MECOM: variants seen among roughly 807,000 people sequenced by gnomAD.
MECOM encodes the protein histone-lysine N-methyltransferase MECOM.
Under a neutral mutation model 116.3 loss-of-function variants are expected in MECOM, and 13 were observed. The ratio of observed to expected loss-of-function variants is 0.11; its 90% CI spans 0.07 to 0.18. The LOEUF (loss-of-function observed/expected upper bound fraction) is 0.18, where lower values mean the gene tolerates loss of function less well. Ranked by LOEUF, MECOM falls within the 10% of genes least tolerant of loss-of-function variation. MECOM has a pLI of 1.00. For synonymous variants in MECOM, 528 were observed against 535.2 expected (o/e 0.99, Z 0.19); for missense variants, 1,299 against 1,509.0 (o/e 0.86, Z 2.31).
intron 2 of MECOM, among the ~76,000 whole-genome samples, chr3:169,274,899 T>C (rs1275064047): frequency 6.6e-6 from 1 of 152,068 alleles, no homozygotes; most frequent in East Asian, 1.9e-4. Context: ...AGATATAAAA[T>C]ATAAACTAAA....
At chr3:169,648,599 A>T (rs1248469022) in intron 1 of MECOM, among the ~76,000 whole-genome samples, 1 of 152,228 alleles carries the variant, frequency 6.6e-6, no homozygotes, top group Non-Finnish European at 1.5e-5. Flanking sequence ...CAATGCACTG[A>T]TTTCTGTGCC....
chr3:169,323,573 C>A (rs896236458), intron 2 of MECOM, among the ~76,000 whole-genome samples: 11 of 152,130 alleles, frequency 7.2e-5, no homozygotes, highest in Non-Finnish European at 1.3e-4. Context: ...TAATTTATGG[C>A]AAGCCTAATG....
Position 169,084,997 on chromosome 3 carries a change from G to C in MECOM, c.3632C>G (p.Ser1211Cys). ...CACGTTGGAAGAACTGTGGGATGTA[G>C]AATGGAGGGACTCCTTGTCAGACAG... ...LSLSDKESLH[S>C]TSHSSSNVWH... Residue 1211 changes from serine to cysteine, a missense_variant, in exon 17 of 17, where the codon TCT becomes TGT. Ser to Cys is a moderately radical substitution (Grantham distance 112). Coordinates refer to ENST00000651503, the MANE Select transcript of MECOM (RefSeq NM_004991.4). 6.2e-7 allele frequency: 1 copy of C among 1,614,176 alleles called. No homozygotes were observed. The highest frequency in any genetic ancestry group is 2.2e-5 in the East Asian group (1 of 44,880).
At chr3:169,109,670 C>G (rs1235366069) in intron 9 of MECOM, among the ~76,000 whole-genome samples, 1 of 152,212 alleles carries the variant, frequency 6.6e-6, no homozygotes, top group African/African-American at 2.4e-5. Context: ...CCCGCCTCGG[C>G]CTCCCAAAGT....
At chr3:169,462,727 C>T (rs902504523) in intron 1 of MECOM, among the ~76,000 whole-genome samples, 2 of 152,098 alleles carry the variant, frequency 1.3e-5, no homozygotes, top group Non-Finnish European at 2.9e-5. Flanking sequence ...CAACAAGTAA[C>T]TCTGTTGCCA....
At chr3:169,146,375 C>T in intron 2 of MECOM, 1 of 1,384,796 alleles carries the variant, frequency 7.2e-7, no homozygotes, top group African/African-American at 1.4e-5. Flanking sequence ...GGCAACCGCA[C>T]CTTGTGCGTC....
chr3:169,233,868 G>T (rs1489596829), intron 2 of MECOM, among the ~76,000 whole-genome samples: 2 of 152,130 alleles, frequency 1.3e-5, no homozygotes, highest in Non-Finnish European at 2.9e-5. Context: ...ACCTGTGCAT[G>T]TCTCCCAATT....
intron 2 of MECOM, among the ~76,000 whole-genome samples, chr3:169,332,902 G>C (rs1272325751): frequency 6.6e-6 from 1 of 152,102 alleles, no homozygotes; most frequent in Non-Finnish European, 1.5e-5. Context: ...CATGCATGGA[G>C]TGACAGTGGA....
intron 1 of MECOM, among the ~76,000 whole-genome samples, chr3:169,507,524 G>A (rs957570643): frequency 6.0e-4 from 92 of 152,094 alleles, no homozygotes; most frequent in African/African-American, 1.9e-3. Context: ...TCAGAAAGAA[G>A]GGGTAGGGAA....
intron 2 of MECOM, among the ~76,000 whole-genome samples, chr3:169,370,029 C>T (rs936805196): frequency 2.0e-5 from 3 of 151,890 alleles, no homozygotes; most frequent in African/African-American, 7.2e-5. Context: ...AGTGCACTTG[C>T]TTTCTCATAA....
At chr3:169,607,828 G>C (rs1011963116) in intron 1 of MECOM, among the ~76,000 whole-genome samples, 1 of 152,206 alleles carries the variant, frequency 6.6e-6, no homozygotes, top group African/African-American at 2.4e-5. Context: ...TTAAATTTGC[G>C]TAAGCGCTTT....
chr3:169,323,495 C>T (rs931819696), intron 2 of MECOM, among the ~76,000 whole-genome samples: 2 of 152,178 alleles, frequency 1.3e-5, no homozygotes, highest in Non-Finnish European at 2.9e-5. Context: ...GGCAGACAGA[C>T]AGGCAGGCCA....
intron 12 of MECOM, 90 bp downstream of exon 12, chr3:169,100,795 A>T: frequency 1.4e-6 from 1 of 734,346 alleles, no homozygotes; most frequent in Non-Finnish European, 1.8e-6. Context: ...AACTTTAATT[A>T]TTATAAACTT....
At chr3:169,309,658 C>T (rs1044429840) in intron 2 of MECOM, among the ~76,000 whole-genome samples, 1 of 152,190 alleles carries the variant, frequency 6.6e-6, no homozygotes, top group African/African-American at 2.4e-5. Flanking sequence ...TCTGCCTCAA[C>T]TCTTATCTTA....
At chr3:169,419,192 G>C (rs1399447763) in intron 1 of MECOM, among the ~76,000 whole-genome samples, 1 of 152,170 alleles carries the variant, frequency 6.6e-6, no homozygotes, top group Non-Finnish European at 1.5e-5. Context: ...CCCAAGGGAT[G>C]TGAAAGACCT....
intron 2 of MECOM, among the ~76,000 whole-genome samples, chr3:169,183,465 C>T (rs185136626): frequency 6.6e-6 from 1 of 152,162 alleles, no homozygotes. Flanking sequence ...TCTTACCCAA[C>T]CTGCACTTGA....
intron 2 of MECOM, among the ~76,000 whole-genome samples, chr3:169,242,761 C>T (rs1308571426): frequency 4.6e-5 from 7 of 151,884 alleles, no homozygotes; most frequent in Non-Finnish European, 1.0e-4. Context: ...GGTAGGTTAT[C>T]TTTTCCTTGT....
intron 1 of MECOM, among the ~76,000 whole-genome samples, chr3:169,486,527 C>T (rs757915560): frequency 4.0e-5 from 6 of 151,670 alleles, no homozygotes; most frequent in Non-Finnish European, 7.4e-5. Flanking sequence ...ATTTTGGTAT[C>T]GGTACTGAGG....
At chr3:169,252,136 A>G (rs1485800432) in intron 2 of MECOM, among the ~76,000 whole-genome samples, 4 of 152,194 alleles carry the variant, frequency 2.6e-5, no homozygotes, top group Non-Finnish European at 5.9e-5. Flanking sequence ...GCAAGATGAT[A>G]TAAGAGTTCA....
Sources: allele counts gnomAD v4.1 joint callset (sites outside exome capture counted in the v4.1 genomes callset), GRCh38; gene constraint gnomAD v4.1.1; transcripts MANE v1.5; gene names NCBI Gene and HGNC (gene_info 2026-07-23, HGNC 2026-07-21).